Variants in RTTN observed in about 807,000 individuals in gnomAD.
RTTN encodes rotatin.
A neutral mutation model predicts 269.2 loss-of-function variants in RTTN; 182 were observed. The ratio of observed to expected loss-of-function variants is 0.68; its 90% CI spans 0.60 to 0.76. The LOEUF (loss-of-function observed/expected upper bound fraction) is 0.76. Ranked by LOEUF, RTTN falls within the 30% of genes least tolerant of loss-of-function variation. The probability of loss-of-function intolerance (pLI) is 0.00; values close to 1 mark genes in which losing one functional copy is unlikely to be tolerated. For missense variants in RTTN, 2,545 were observed against 2,608.6 expected (o/e 0.98, Z 0.53); for synonymous variants, 1,006 against 963.5 (o/e 1.04, Z -0.82).
At chr18:70,117,968 T>C (rs1195751014) in intron 26 of RTTN, among the ~76,000 whole-genome samples, 6 of 151,898 alleles carry the variant, frequency 4.0e-5, no homozygotes, top group African/African-American at 1.4e-4. Context: ...CCAAAACTTA[T>C]GGGATACAGC....
intron 39 of RTTN, among the ~76,000 whole-genome samples, chr18:70,049,020 G>T (rs1013674199): frequency 6.6e-6 from 1 of 152,168 alleles, no homozygotes; most frequent in East Asian, 1.9e-4. Flanking sequence ...TTGAAGGAAG[G>T]TTTTGAATTT....
chr18:70,148,896 C>G lies in RTTN; in HGVS notation c.2309+5G>C. ...TTGACGTTCACAAGATTACGTTGTA[C>G]TCACGATGGCTTTTTCACTAGCAAA... On this transcript the variant is annotated splice_donor_5th_base_variant and intron_variant, in intron 17 of 48. Transcript: ENST00000640769. 6.2e-7 allele frequency: 1 copy of G among 1,613,246 alleles called. No individual in the cohort carries two copies. The highest frequency in any genetic ancestry group is 8.5e-7 in the Non-Finnish European group (1 of 1,179,390).
At chr18:70,192,690 GA>G (rs1159738811) in intron 8 of RTTN, among the ~76,000 whole-genome samples, 21 of 127,974 alleles carry the variant, frequency 1.6e-4, no homozygotes, top group Non-Finnish European at 2.9e-4. Flanking sequence ...AAAAAAAAAA[GA>G]AAAAAATCTG....
chr18:70,054,620 C>G (rs1441779176), intron 37 of RTTN, among the ~76,000 whole-genome samples: 1 of 152,068 alleles, frequency 6.6e-6, no homozygotes, highest in East Asian at 1.9e-4. Context: ...ATGGCTTGAG[C>G]CCAGGAGTTT....
chr18:70,034,303 C>A (rs1299695748), intron 40 of RTTN, among the ~76,000 whole-genome samples: 1 of 152,090 alleles, frequency 6.6e-6, no homozygotes, highest in Non-Finnish European at 1.5e-5. Context: ...AAACCCTCAA[C>A]AACATACTAG....
At chr18:70,121,449 C>G (rs2059735236) in intron 26 of RTTN, 107 bp downstream of exon 26, 1 of 932,364 alleles carries the variant, frequency 1.1e-6, no homozygotes, top group African/African-American at 1.7e-5. Flanking sequence ...ACTACTTTAC[C>G]AAGCATAGAC....
chr18:70,160,494 A>G (rs1442127974), intron 14 of RTTN, among the ~76,000 whole-genome samples: 1 of 152,068 alleles, frequency 6.6e-6, no homozygotes, highest in Non-Finnish European at 1.5e-5. Context: ...AGCTAGAAAC[A>G]GTCCCCTTGA....
chr18:70,077,580 A>G (rs2058459928), intron 32 of RTTN, among the ~76,000 whole-genome samples: 1 of 152,002 alleles, frequency 6.6e-6, no homozygotes, highest in African/African-American at 2.4e-5. Flanking sequence ...GAACTCTTGC[A>G]ATTATTCTCT....
At position 70,121,624 on chromosome 18, in the gene RTTN, T is replaced by C; in HGVS notation, c.3460A>G (p.Ile1154Val). The change falls in exon 26 of 49, where the codon ATA (isoleucine) becomes GTA (valine). Residue 1154 changes from isoleucine to valine, a missense_variant. Coordinates refer to ENST00000640769, the MANE Select transcript of RTTN (RefSeq NM_173630.4). Reference sequence around the variant, plus strand: ...GAAGAATTTTTTCTTTGTTCCTTTATTAATTTATTTAAAAAATGTATGATA... The same window carrying C: ...GAAGAATTTTTTCTTTGTTCCTTTACTAATTTATTTAAAAAATGTATGATA... ...IDIIHFLNKLIKEQRKNSSLE... is the reference protein window; with the variant it reads ...IDIIHFLNKLVKEQRKNSSLE... 1 of 1,579,926 alleles carries C rather than the reference T, an allele frequency of 6.3e-7. No homozygotes were observed.
intron 28 of RTTN, among the ~76,000 whole-genome samples, chr18:70,103,856 C>T (rs1389972985): frequency 2.0e-5 from 3 of 151,894 alleles, no homozygotes; most frequent in East Asian, 1.9e-4. Context: ...CCGAGAGATC[C>T]GCTGTTAGTC....
intron 40 of RTTN, among the ~76,000 whole-genome samples, chr18:70,034,949 C>A (rs530849051): frequency 1.3e-5 from 2 of 152,142 alleles, no homozygotes; most frequent in South Asian, 4.1e-4. Flanking sequence ...ACAACTGCCA[C>A]CAAAACAAAA....
chr18:70,100,710 G>C (rs1000048876), intron 28 of RTTN, among the ~76,000 whole-genome samples: 2 of 152,066 alleles, frequency 1.3e-5, no homozygotes, highest in African/African-American at 2.4e-5. Flanking sequence ...ATTGGCTGTG[G>C]GTCTGTCATA....
intron 40 of RTTN, among the ~76,000 whole-genome samples, chr18:70,047,694 A>G (rs941897058): frequency 6.6e-6 from 1 of 152,264 alleles, no homozygotes; most frequent in Non-Finnish European, 1.5e-5. Flanking sequence ...TCATGATATG[A>G]AACACTGTTT....
chr18:70,033,433 C>G (rs1372583000), intron 40 of RTTN, among the ~76,000 whole-genome samples: 1 of 152,158 alleles, frequency 6.6e-6, no homozygotes, highest in African/African-American at 2.4e-5. Flanking sequence ...TGCACAAAAC[C>G]ATTCATTTAC....
chr18:70,015,600 G>T (rs2056517027), intron 46 of RTTN, among the ~76,000 whole-genome samples: 1 of 152,114 alleles, frequency 6.6e-6, no homozygotes, highest in South Asian at 2.1e-4. Flanking sequence ...TCTTACCCCT[G>T]CCTGAAAAGC....
Position 70,205,640 on chromosome 18 carries a change from T to G in RTTN, c.19A>C (p.Ile7Leu). 1 of 1,614,104 alleles carries G rather than the reference T, an allele frequency of 6.2e-7. No individual in the cohort carries two copies. Among genetic ancestry groups the G allele is most frequent in the Non-Finnish European group, 8.5e-7 (1 of 1,180,026 alleles). The change falls in exon 1 of 49, where the codon ATC (isoleucine) becomes CTC (leucine). Residue 7 changes from isoleucine (I) to leucine (L), a missense_variant. Transcript: ENST00000640769. ...AGCTGACAGTTACCGAGTTTCCTGATGAGCCCTGCCAGGACCATCTCGTCC... is the reference window on the plus strand; with the variant it reads ...AGCTGACAGTTACCGAGTTTCCTGAGGAGCCCTGCCAGGACCATCTCGTCC... The part of the protein sequence containing the change: MVLAGL[I>L]RKLGHQLAEI...
At chr18:70,174,986 C>T (rs1174480067) in intron 11 of RTTN, among the ~76,000 whole-genome samples, 1 of 147,698 alleles carries the variant, frequency 6.8e-6, no homozygotes, top group Non-Finnish European at 1.5e-5. Flanking sequence ...CAAGAAAGTG[C>T]CACTGCACTC....
intron 36 of RTTN, 135 bp from the exon 37 acceptor site, chr18:70,057,967 G>T (rs1239236777): frequency 1.8e-6 from 1 of 567,386 alleles, no homozygotes; most frequent in East Asian, 3.0e-5. Context: ...CAAAGAAAAT[G>T]TTTATAAAAA....
chr18:70,167,245 T>C (rs1361804284), intron 12 of RTTN, among the ~76,000 whole-genome samples: 8 of 152,352 alleles, frequency 5.3e-5, no homozygotes, highest in East Asian at 3.9e-4. Context: ...CATGAGACTT[T>C]CTATTATTTA....
Sources: gnomAD v4.1 joint callset for allele counts (sites outside exome capture counted in the v4.1 genomes callset) on GRCh38, gnomAD v4.1.1 for gene constraint, MANE v1.5 for transcripts, NCBI Gene and HGNC (gene_info 2026-07-23, HGNC 2026-07-21) for gene names.